CSMD1: variants seen among roughly 807,000 people sequenced by gnomAD.
CSMD1 encodes CUB and Sushi multiple domains 1.
In CSMD1, 213 loss-of-function variants were observed where a neutral mutation model predicts 417.5. That is an observed-to-expected ratio of 0.51 (90% CI 0.46 to 0.57). CSMD1 has a LOEUF of 0.57. Ranked by LOEUF, CSMD1 falls within the 20% of genes least tolerant of loss-of-function variation. CSMD1 has a pLI of 0.00. For synonymous variants in CSMD1, 2,862 were observed against 1,736.8 expected, an observed-to-expected ratio of 1.65 and a Z score of -16.11; for missense variants, 6,923 against 4,529.7, an observed-to-expected ratio of 1.53 and a Z score of -15.17.
intron 1 of CSMD1, among the ~76,000 whole-genome samples, chr8:4,698,697 G>A (rs962501525): frequency 2.0e-5 from 3 of 150,624 alleles, no homozygotes; most frequent in African/African-American, 7.4e-5. Context: ...CCCTCTGTAC[G>A]GGGGAGCATT....
chr8:3,649,214 G>A (rs74764952), intron 7 of CSMD1, among the ~76,000 whole-genome samples: 7 of 152,120 alleles, frequency 4.6e-5, no homozygotes, highest in South Asian at 2.1e-4. Flanking sequence ...TAAGTCTTCC[G>A]ATATTTTCCC....
intron 4 of CSMD1, among the ~76,000 whole-genome samples, chr8:4,022,124 A>ATATG (rs2130508959): frequency 6.8e-6 from 1 of 147,168 alleles, no homozygotes; most frequent in South Asian, 2.1e-4. Context: ...TATAGAATAT[A>ATATG]TATATATACA....
chr8:4,287,556 C>T (rs2680603), intron 3 of CSMD1, among the ~76,000 whole-genome samples: 95 of 151,944 alleles, frequency 6.3e-4, no homozygotes, highest in African/African-American at 2.3e-3. Flanking sequence ...ATAACAAAGA[C>T]GGGGGACTAA....
rs549226441 is a variant in CSMD1 at position 4,124,508 on chromosome 8, G to C, written c.416-92409C>G. Among the ~76,000 whole-genome samples the C allele has an allele frequency of 2.6e-5, 4 of 152,280 alleles. 1 individual carries two copies. In the South Asian group the frequency reaches 6.2e-4, roughly 24 times the overall value. On this transcript the variant is annotated intron_variant, in intron 3 of 69. Coordinates refer to ENST00000635120, the MANE Select transcript of CSMD1 (RefSeq NM_033225.6). ...GGTGAAATCACCAACTGCCCCTTGA[G>C]TGTGTCTTCAAGTATCAAAGCCCTG...
intron 1 of CSMD1, among the ~76,000 whole-genome samples, chr8:4,874,935 T>G (rs1802956755): frequency 6.6e-6 from 1 of 151,138 alleles, no homozygotes; most frequent in Non-Finnish European, 1.5e-5. Context: ...ACAAGCTTTA[T>G]TTTTCATTTC....
chr8:3,789,558 A>G (rs1799619448), intron 5 of CSMD1, among the ~76,000 whole-genome samples: 1 of 151,418 alleles, frequency 6.6e-6, no homozygotes, highest in Non-Finnish European at 1.5e-5. Context: ...TTAAAGTAAT[A>G]TATTCACTCA....
At chr8:3,938,529 T>C (rs540087015) in intron 5 of CSMD1, among the ~76,000 whole-genome samples, 1 of 152,194 alleles carries the variant, frequency 6.6e-6, no homozygotes, top group African/African-American at 2.4e-5. Flanking sequence ...CAGACTCTGT[T>C]GGGGGATGAT....
chr8:4,037,203 G>C (rs188794464), intron 3 of CSMD1, among the ~76,000 whole-genome samples: 12 of 152,294 alleles, frequency 7.9e-5, no homozygotes, highest in East Asian at 5.8e-4. Context: ...TTAATATTTA[G>C]AATTTTGTAG....
At chr8:4,048,125 T>C (rs1479384778) in intron 3 of CSMD1, among the ~76,000 whole-genome samples, 1 of 152,224 alleles carries the variant, frequency 6.6e-6, no homozygotes, top group Non-Finnish European at 1.5e-5. Flanking sequence ...TTTCTAAACA[T>C]ACTTGCCTAA....
At chr8:3,061,549 C>T (rs1812589486) in intron 49 of CSMD1, among the ~76,000 whole-genome samples, 1 of 152,138 alleles carries the variant, frequency 6.6e-6, no homozygotes. Flanking sequence ...GCTTAATCCA[C>T]AGTTGGCCAG....
intron 7 of CSMD1, among the ~76,000 whole-genome samples, chr8:3,644,032 G>C (rs1797448699): frequency 6.6e-6 from 1 of 152,176 alleles, no homozygotes; most frequent in African/African-American, 2.4e-5. Context: ...ACAAACATTT[G>C]AAACACAAGG....
intron 2 of CSMD1, among the ~76,000 whole-genome samples, chr8:4,548,487 T>A (rs940088956): frequency 6.6e-6 from 1 of 152,146 alleles, no homozygotes; most frequent in Admixed American, 6.6e-5. Context: ...AAGCAAGACA[T>A]AAGCCCTCAG....
chr8:3,735,162 G>A (rs896192164), intron 6 of CSMD1, among the ~76,000 whole-genome samples: 2 of 152,208 alleles, frequency 1.3e-5, no homozygotes, highest in Non-Finnish European at 2.9e-5. Flanking sequence ...ACATTCCCAA[G>A]TCATATTTCC....
intron 1 of CSMD1, among the ~76,000 whole-genome samples, chr8:4,747,247 GC>G (rs1563280040): frequency 6.6e-6 from 1 of 152,140 alleles, no homozygotes; most frequent in Non-Finnish European, 1.5e-5. Flanking sequence ...ATTGAGACAT[GC>G]CTTTTTCATA....
chr8:4,032,224 A>G (rs1797386102), intron 3 of CSMD1, 125 bp from the exon 4 acceptor site: 3 of 648,650 alleles, frequency 4.6e-6, no homozygotes, highest in Admixed American at 3.2e-5. Context: ...TCAGAAAAAT[A>G]TTAATTGTTG....
chr8:4,241,756 T>A (rs118180663), intron 3 of CSMD1, among the ~76,000 whole-genome samples: 1 of 149,900 alleles, frequency 6.7e-6, no homozygotes, highest in Non-Finnish European at 1.5e-5. Flanking sequence ...CAGGCTGGAG[T>A]GCAGTGGCGT....
chr8:3,878,844 C>T (rs1412971006), intron 5 of CSMD1, among the ~76,000 whole-genome samples: 2 of 152,120 alleles, frequency 1.3e-5, no homozygotes, highest in Non-Finnish European at 2.9e-5. Context: ...CAAGTGTGTC[C>T]TGGACACAAA....
At chr8:4,673,715 T>C (rs774889504) in intron 1 of CSMD1, among the ~76,000 whole-genome samples, 4 of 152,150 alleles carry the variant, frequency 2.6e-5, no homozygotes, top group Non-Finnish European at 5.9e-5. Context: ...AGCTGGTCAA[T>C]TAAATCTTGA....
chr8:3,570,948 T>C (rs1229694093), intron 10 of CSMD1, among the ~76,000 whole-genome samples: 1 of 152,214 alleles, frequency 6.6e-6, no homozygotes, highest in African/African-American at 2.4e-5. Context: ...TAATAGAAAC[T>C]AAAATGTGCT....
Sources: gnomAD v4.1 joint callset for allele counts (sites outside exome capture counted in the v4.1 genomes callset) on GRCh38, gnomAD v4.1.1 for gene constraint, MANE v1.5 for transcripts, NCBI Gene and HGNC (gene_info 2026-07-23, HGNC 2026-07-21) for gene names.